Variants in QTMAN observed in about 807,000 individuals in gnomAD.
The protein encoded by QTMAN is queuosine-tRNA mannosyltransferase, also known as tRNA-queuosine alpha-mannosyltransferase.
the QTMAN span, among the ~76,000 whole-genome samples, chr2:143,984,017 G>GATT: frequency 2.0e-5 from 3 of 152,172 alleles, no homozygotes; most frequent in Non-Finnish European, 4.4e-5. Context: ...ACCAAGCCAT[G>GATT]ATTAACGCAG....
chr2:144,246,595 A>G, the QTMAN span, among the ~76,000 whole-genome samples: 10 of 151,048 alleles, frequency 6.6e-5, no homozygotes, highest in African/African-American at 1.9e-4. Flanking sequence ...AAAAAAAAAA[A>G]AAAAAAAGAA....
the QTMAN span, among the ~76,000 whole-genome samples, chr2:144,076,906 C>A: frequency 6.6e-6 from 1 of 151,578 alleles, no homozygotes; most frequent in Non-Finnish European, 1.5e-5. Context: ...ATCACTTGGG[C>A]CGAGGAGTTC....
the QTMAN span, chr2:144,237,266 A>G: frequency 2.0e-5 from 3 of 152,040 alleles, no homozygotes; most frequent in Non-Finnish European, 2.9e-5. Context: ...AGAAATCTTC[A>G]CTCCAATCTC....
the QTMAN span, chr2:144,317,384 T>A: frequency 0.021 from 2,001 of 97,120 alleles, 70 homozygotes; most frequent in African/African-American, 0.068. Flanking sequence ...GAAGGAAGGA[T>A]GGAAGGAAGG....
the QTMAN span, among the ~76,000 whole-genome samples, chr2:144,037,845 T>C: frequency 6.6e-6 from 1 of 152,182 alleles, no homozygotes; most frequent in Non-Finnish European, 1.5e-5. Context: ...AACTCAATAG[T>C]ACGATCTCAT....
At chr2:144,003,421 A>T in the QTMAN span, among the ~76,000 whole-genome samples, 13 of 139,304 alleles carry the variant, frequency 9.3e-5, no homozygotes, top group East Asian at 2.4e-3. Flanking sequence ...GAAAATAGTT[A>T]AAAAAAAAAA....
the QTMAN span, among the ~76,000 whole-genome samples, chr2:144,101,394 T>TCTCTCTCACACA: frequency 0.028 from 4,204 of 150,186 alleles, 194 homozygotes; most frequent in African/African-American, 0.097. Context: ...TATCTCTCTC[T>TCTCTCTCACACA]CACACACACA....
chr2:144,242,001 G>A, the QTMAN span, among the ~76,000 whole-genome samples: 2 of 152,130 alleles, frequency 1.3e-5, no homozygotes, highest in Non-Finnish European at 2.9e-5. Context: ...CATGAGATTG[G>A]AGCTCAGAGA....
At chr2:144,034,962 C>A in the QTMAN span, among the ~76,000 whole-genome samples, 2 of 152,198 alleles carry the variant, frequency 1.3e-5, no homozygotes, top group African/African-American at 2.4e-5. Flanking sequence ...GCCATATCCT[C>A]TAGTAATCTG....
At chr2:144,039,605 T>C in the QTMAN span, among the ~76,000 whole-genome samples, 1 of 152,312 alleles carries the variant, frequency 6.6e-6, no homozygotes, top group South Asian at 2.1e-4. Context: ...TTCTGAGCAA[T>C]ATCCACAAAT....
At chr2:143,956,170 T>C in the QTMAN span, among the ~76,000 whole-genome samples, 1 of 152,216 alleles carries the variant, frequency 6.6e-6, no homozygotes, top group African/African-American at 2.4e-5. Flanking sequence ...TTCATCTCTT[T>C]TTGAAAGTTC....
At chr2:144,244,855 C>G in the QTMAN span, among the ~76,000 whole-genome samples, 6 of 152,082 alleles carry the variant, frequency 3.9e-5, no homozygotes, top group Admixed American at 2.0e-4. Flanking sequence ...ATATGTGATG[C>G]CACTACAGGA....
At chr2:144,165,408 T>G in the QTMAN span, among the ~76,000 whole-genome samples, 1 of 150,760 alleles carries the variant, frequency 6.6e-6, no homozygotes, top group Admixed American at 6.7e-5. Flanking sequence ...AATAAATAAA[T>G]AAATAGGCAA....
the QTMAN span, among the ~76,000 whole-genome samples, chr2:144,278,564 T>C: frequency 6.7e-6 from 1 of 150,330 alleles, no homozygotes; most frequent in Non-Finnish European, 1.5e-5. Context: ...TTTTAGCTGA[T>C]GAGAAATGGA....
the QTMAN span, among the ~76,000 whole-genome samples, chr2:144,120,693 T>A: frequency 6.6e-6 from 1 of 152,186 alleles, no homozygotes; most frequent in South Asian, 2.1e-4. Flanking sequence ...AAGAACTGCT[T>A]CTTAACTGGT....
the QTMAN span, among the ~76,000 whole-genome samples, chr2:143,991,324 A>G: frequency 3.3e-5 from 5 of 152,222 alleles, no homozygotes; most frequent in Non-Finnish European, 7.3e-5. Context: ...AGAACACCAA[A>G]GACAAAGACA....
At chr2:144,260,536 G>A in the QTMAN span, among the ~76,000 whole-genome samples, 2 of 151,938 alleles carry the variant, frequency 1.3e-5, no homozygotes, top group Admixed American at 6.6e-5. Context: ...TCATAAATCT[G>A]ACTCAGAAGA....
chr2:143,960,720 A>T, the QTMAN span, among the ~76,000 whole-genome samples: 1 of 152,128 alleles, frequency 6.6e-6, no homozygotes, highest in East Asian at 1.9e-4. Flanking sequence ...CAGCACAGGT[A>T]GACATCAGAA....
chr2:144,070,064 G>A, the QTMAN span, among the ~76,000 whole-genome samples: 15 of 151,956 alleles, frequency 9.9e-5, no homozygotes, highest in Non-Finnish European at 1.8e-4. Context: ...TGTCCTTAAC[G>A]TGCTTCTGGA....
Sources: allele counts gnomAD v4.1 joint callset (sites outside exome capture counted in the v4.1 genomes callset), GRCh38; gene constraint gnomAD v4.1.1; transcripts MANE v1.5; gene names NCBI Gene and HGNC (gene_info 2026-07-23, HGNC 2026-07-21).